The following B3GALT1 variants were observed in gnomAD, a reference collection of about 807,000 sequenced individuals.
B3GALT1 encodes beta-1,3-galactosyltransferase 1, also known as UDP-Gal:betaGlcNAc beta 1,3-galactosyltransferase, polypeptide 1.
A neutral mutation model predicts 23.2 loss-of-function variants in B3GALT1; 10 were observed. The ratio of observed to expected loss-of-function variants is 0.43; its 90% CI spans 0.27 to 0.73. B3GALT1 has a LOEUF of 0.73. B3GALT1 is among the 30% of genes least tolerant of loss of function. B3GALT1 has a pLI of 0.21. For missense variants in B3GALT1, 299 were observed against 405.4 expected (o/e 0.74, Z 2.25); for synonymous variants, 156 against 141.5 (o/e 1.10, Z -0.73).
At chr2:167,807,152 G>A (rs1465916407) in intron 3 of B3GALT1, among the ~76,000 whole-genome samples, 1 of 152,156 alleles carries the variant, frequency 6.6e-6, no homozygotes, top group East Asian at 1.9e-4. Flanking sequence ...TGTGGGATCA[G>A]TGGTGATATC....
chr2:167,433,041 G>C (rs899165960), intron 1 of B3GALT1, among the ~76,000 whole-genome samples: 1 of 152,188 alleles, frequency 6.6e-6, no homozygotes, highest in Non-Finnish European at 1.5e-5. Context: ...GTGTCATAAA[G>C]AGTAGTTTCA....
intron 2 of B3GALT1, among the ~76,000 whole-genome samples, chr2:167,593,597 G>A (rs1684721815): frequency 6.6e-6 from 1 of 152,196 alleles, no homozygotes; most frequent in African/African-American, 2.4e-5. Context: ...AATGAGTTAT[G>A]TGTGCTTATG....
At chr2:167,576,483 C>T (rs934889673) in intron 2 of B3GALT1, among the ~76,000 whole-genome samples, 7 of 145,772 alleles carry the variant, frequency 4.8e-5, no homozygotes, top group Non-Finnish European at 7.5e-5. Flanking sequence ...TTAGTGGTTT[C>T]GTGGAGGAGT....
intron 1 of B3GALT1, among the ~76,000 whole-genome samples, chr2:167,337,318 T>C (rs1574038414): frequency 6.6e-6 from 1 of 152,130 alleles, no homozygotes; most frequent in South Asian, 2.1e-4. Context: ...TATCCGTCTG[T>C]CTTCCTTTGC....
intron 2 of B3GALT1, among the ~76,000 whole-genome samples, chr2:167,614,281 G>GAA (rs558797055): frequency 1.5e-5 from 2 of 130,378 alleles, no homozygotes; most frequent in Admixed American, 7.6e-5. Flanking sequence ...CAAAGAAAAT[G>GAA]AAAAAAAAAA....
At chr2:167,799,089 C>T (rs1688591868) in intron 3 of B3GALT1, among the ~76,000 whole-genome samples, 1 of 152,054 alleles carries the variant, frequency 6.6e-6, no homozygotes. Flanking sequence ...TCAGTGAGTA[C>T]CCTCTTATTT....
chr2:167,374,660 G>A (rs1046484885), intron 1 of B3GALT1, among the ~76,000 whole-genome samples: 4 of 151,982 alleles, frequency 2.6e-5, no homozygotes, highest in African/African-American at 7.2e-5. Flanking sequence ...GTCTTCTTTT[G>A]AGCAGTTTAT....
chr2:167,298,147 G>T (rs1224209035), intron 1 of B3GALT1, among the ~76,000 whole-genome samples: 1 of 152,118 alleles, frequency 6.6e-6, no homozygotes, highest in Admixed American at 6.5e-5. Flanking sequence ...TTATGAAACT[G>T]TTAATGAGAG....
chr2:167,867,053 A>C (rs936827347), intron 4 of B3GALT1, among the ~76,000 whole-genome samples: 4 of 151,430 alleles, frequency 2.6e-5, no homozygotes, highest in Non-Finnish European at 5.9e-5. Flanking sequence ...CAGCCTCCCG[A>C]GTAGCTGGGA....
chr2:167,410,343 G>T (rs1220639074), intron 1 of B3GALT1, among the ~76,000 whole-genome samples: 1 of 151,966 alleles, frequency 6.6e-6, no homozygotes, highest in African/African-American at 2.4e-5. Context: ...TACAAAAAAT[G>T]AGACAGGCGC....
At chr2:167,530,470 C>T (rs1683307787) in intron 2 of B3GALT1, among the ~76,000 whole-genome samples, 1 of 152,142 alleles carries the variant, frequency 6.6e-6, no homozygotes, top group Non-Finnish European at 1.5e-5. Context: ...GAATGGTCTT[C>T]TTACAATGCA....
chr2:167,326,222 T>C (rs1326664894), intron 1 of B3GALT1, among the ~76,000 whole-genome samples: 1 of 151,354 alleles, frequency 6.6e-6, no homozygotes, highest in Non-Finnish European at 1.5e-5. Context: ...TTGCTGGCCA[T>C]TCATATGTCT....
intron 2 of B3GALT1, among the ~76,000 whole-genome samples, chr2:167,574,945 G>C (rs1346544113): frequency 6.6e-6 from 1 of 151,658 alleles, no homozygotes; most frequent in African/African-American, 2.4e-5. Flanking sequence ...AACATCCTGT[G>C]CTTATGTACT....
chr2:167,483,703 A>G (rs191645844), intron 1 of B3GALT1, among the ~76,000 whole-genome samples: 2 of 152,306 alleles, frequency 1.3e-5, no homozygotes, highest in Admixed American at 1.3e-4. Context: ...AATTGCTACC[A>G]TTTATATATA....
chr2:167,761,996 T>G (rs1687905445), intron 3 of B3GALT1, among the ~76,000 whole-genome samples: 1 of 152,212 alleles, frequency 6.6e-6, no homozygotes, highest in Non-Finnish European at 1.5e-5. Context: ...AAGTTGGAAT[T>G]TTGAGAGAGT....
intron 2 of B3GALT1, among the ~76,000 whole-genome samples, chr2:167,605,488 T>A (rs1192430944): frequency 1.3e-5 from 2 of 149,032 alleles, no homozygotes; most frequent in East Asian, 4.0e-4. Flanking sequence ...AGATGGCATG[T>A]CAACCCGAGT....
chr2:167,713,795 C>T, intron 3 of B3GALT1: 13 of 1,593,712 alleles, frequency 8.2e-6, no homozygotes, highest in Non-Finnish European at 1.1e-5. Flanking sequence ...AGGAGGTAAA[C>T]CCCTCTGTGG....
chr2:167,494,688 C>G (rs1277379792), intron 2 of B3GALT1, among the ~76,000 whole-genome samples: 1 of 152,100 alleles, frequency 6.6e-6, no homozygotes, highest in African/African-American at 2.4e-5. Flanking sequence ...TAATCACAAG[C>G]TTTAGTCATA....
At chr2:167,331,623 C>T (rs1696973848) in intron 1 of B3GALT1, among the ~76,000 whole-genome samples, 1 of 152,110 alleles carries the variant, frequency 6.6e-6, no homozygotes, top group Admixed American at 6.5e-5. Flanking sequence ...CACTAGTGGG[C>T]TGGGCTGAGT....
Sources: allele counts gnomAD v4.1 joint callset (sites outside exome capture counted in the v4.1 genomes callset), GRCh38; gene constraint gnomAD v4.1.1; transcripts MANE v1.5; gene names NCBI Gene and HGNC (gene_info 2026-07-23, HGNC 2026-07-21).